The following FAT4 variants were observed in gnomAD, a reference collection of about 807,000 sequenced individuals.
The protein encoded by FAT4 is protocadherin Fat 4.
In FAT4, 84 loss-of-function variants were observed where a neutral mutation model predicts 303.9. That is an observed-to-expected ratio of 0.28 (90% CI 0.23 to 0.33). The LOEUF (loss-of-function observed/expected upper bound fraction) is 0.33. Among genes scored for constraint, FAT4 ranks in the 10% least tolerant of loss-of-function variants. FAT4 has a pLI of 1.00. For missense variants in FAT4, 6,005 were observed against 6,146.8 expected (o/e 0.98, Z 0.77); for synonymous variants, 2,307 against 2,298.8 (o/e 1.00, Z -0.10).
At chr4:125,349,598 C>T (rs1235629780) in intron 2 of FAT4, among the ~76,000 whole-genome samples, 3 of 151,638 alleles carry the variant, frequency 2.0e-5, no homozygotes, top group African/African-American at 7.3e-5. Context: ...CATAAGCAGC[C>T]AAATAGCACA....
At chr4:125,456,002 C>A (rs1708565392) in intron 10 of FAT4, among the ~76,000 whole-genome samples, 1 of 152,150 alleles carries the variant, frequency 6.6e-6, no homozygotes, top group South Asian at 2.1e-4. Context: ...ATCCTCTTGC[C>A]CACCTGCAGT....
chr4:125,449,832 C>T lies in FAT4; in HGVS notation c.8822C>T (p.Thr2941Ile). 6.2e-7 allele frequency: 1 copy of T among 1,613,902 alleles called. No individual in the cohort carries two copies. Among genetic ancestry groups the T allele is most frequent in the African/African-American group, 1.3e-5 (1 of 75,032 alleles). The change falls in exon 10 of 18, where the codon ACT (threonine) becomes ATT (isoleucine). Residue 2941 changes from threonine to isoleucine, a missense_variant. By Grantham distance (89) the Thr-to-Ile change is moderately conservative. Coordinates refer to ENST00000394329, the MANE Select transcript of FAT4 (RefSeq NM_001291303.3). ...CAGATCTTAAAATACCAAAATGTCACTGGCTTCAGTAATGTGAATATCAAC... is the reference window on the plus strand; with the variant it reads ...CAGATCTTAAAATACCAAAATGTCATTGGCTTCAGTAATGTGAATATCAAC... ...NKQILKYQNV[T>I]GFSNVNINRH...
In FAT4 at chr4:125,315,667, C is replaced by T. The variant is rs1324812621; in HGVS notation, c.-323C>T. On this transcript the variant is annotated 5_prime_UTR_variant, in exon 1 of 18. Coordinates refer to ENST00000394329, the MANE Select transcript of FAT4 (RefSeq NM_001291303.3). Reference sequence around the variant, plus strand: ...GCCGCAACAGGGGCGGCGGCGGCGGCGGCTGCAGGAGGGGAAGGGGCAGAG... The same window carrying T: ...GCCGCAACAGGGGCGGCGGCGGCGGTGGCTGCAGGAGGGGAAGGGGCAGAG... 2.6e-5 allele frequency among the ~76,000 whole-genome samples: 4 copies of T among 152,166 alleles called. No individual in the cohort carries two copies. The highest frequency in any genetic ancestry group is 9.6e-5 in the African/African-American group (4 of 41,456).
At chr4:125,478,600 C>T (rs1223528231) in intron 14 of FAT4, among the ~76,000 whole-genome samples, 5 of 152,030 alleles carry the variant, frequency 3.3e-5, no homozygotes, top group African/African-American at 7.3e-5. Flanking sequence ...GGCGGGATCT[C>T]GGCCCCCTGC....
At chr4:125,385,117 G>A (rs1388825512) in intron 2 of FAT4, among the ~76,000 whole-genome samples, 5 of 150,056 alleles carry the variant, frequency 3.3e-5, no homozygotes, top group Non-Finnish European at 3.0e-5. Flanking sequence ...TGCTTCCCGG[G>A]TTCAAGCAAT....
In FAT4 at chr4:125,319,378, A is replaced by G. The variant is rs749957923; in HGVS notation, c.2967A>G (p.Val989=). Residue 989 remains valine, a synonymous_variant, in exon 2 of 18, where the codon GTA becomes GTG. Transcript: ENST00000394329. The part of the protein sequence containing the change: ...SVILTVYVHD[V]NDNSPVFDQL... ...TCTTAACAGTTTATGTCCATGATGT[A>G]AATGACAATTCACCAGTGTTTGACC... The G allele has an allele frequency of 1.7e-5, 28 of 1,612,864 alleles. No homozygotes were observed. Among genetic ancestry groups the G allele is most frequent in the Middle Eastern group, 1.6e-4 (1 of 6,084 alleles).
At chr4:125,385,022 ATATTTT>A (rs1378728632) in intron 2 of FAT4, among the ~76,000 whole-genome samples, 2 of 79,994 alleles carry the variant, frequency 2.5e-5, no homozygotes, top group African/African-American at 4.5e-5. Flanking sequence ...ATATATATAT[ATATTTT>A]TTTTTTTTTT....
chr4:125,407,077 T>C lies in FAT4; in HGVS notation c.5505T>C (p.Asn1835=). 6.2e-7 allele frequency: 1 copy of C among 1,613,846 alleles called. No individual in the cohort carries two copies. ...TTAATATCACTGTCAGTGATGTGAA[T>C]GACCATACACCCAAATTTTCCAGAC... is the stretch of plus-strand genomic sequence containing the variant. ...MRINITVSDV[N]DHTPKFSRPV... The change falls in exon 4 of 18, where the codon AAT becomes AAC. Residue 1835 remains asparagine, a synonymous_variant. Coordinates refer to ENST00000394329, the MANE Select transcript of FAT4 (RefSeq NM_001291303.3).
intron 8 of FAT4, among the ~76,000 whole-genome samples, chr4:125,442,532 T>A (rs1375960874): frequency 6.6e-6 from 1 of 152,118 alleles, no homozygotes; most frequent in African/African-American, 2.4e-5. Context: ...GGTGGAAAAT[T>A]CCACACCTGA....
chr4:125,364,247 T>G (rs764819664), intron 2 of FAT4, among the ~76,000 whole-genome samples: 16 of 152,126 alleles, frequency 1.1e-4, no homozygotes, highest in Non-Finnish European at 2.4e-4. Flanking sequence ...TACCTTTTCT[T>G]GGACTTTTTT....
chr4:125,462,190 C>A (rs1490571183), intron 10 of FAT4, among the ~76,000 whole-genome samples: 1 of 151,760 alleles, frequency 6.6e-6, no homozygotes, highest in Non-Finnish European at 1.5e-5. Flanking sequence ...AATTTCAGAC[C>A]AGAATAAGTG....
chr4:125,440,610 T>TGTGTGTGTGTGAGAGAGAGAGAGA (rs372756130), intron 8 of FAT4, among the ~76,000 whole-genome samples: 2 of 75,750 alleles, frequency 2.6e-5, no homozygotes, highest in South Asian at 7.0e-4. Flanking sequence ...TGTGTGTGTG[T>TGTGTGTGTGTGAGAGAGAGAGAGA]GAGAGAGAGA....
At chr4:125,375,157 G>A (rs1308147320) in intron 2 of FAT4, among the ~76,000 whole-genome samples, 1 of 152,126 alleles carries the variant, frequency 6.6e-6, no homozygotes, top group Non-Finnish European at 1.5e-5. Context: ...TTTTCCTACA[G>A]GTCTTAGTGA....
intron 2 of FAT4, among the ~76,000 whole-genome samples, chr4:125,324,792 T>C (rs1731089052): frequency 6.6e-6 from 1 of 152,184 alleles, no homozygotes; most frequent in East Asian, 1.9e-4. Flanking sequence ...ATGTCTTGTC[T>C]ATTGATATTT....
At chr4:125,409,429 TA>T (rs1734761081) in intron 5 of FAT4, among the ~76,000 whole-genome samples, 1 of 152,088 alleles carries the variant, frequency 6.6e-6, no homozygotes. Flanking sequence ...GCTAATTTTG[TA>T]TTTTTAGTAG....
chr4:125,319,423 C>A lies in FAT4; in HGVS notation c.3012C>A (p.Thr1004=), dbSNP rs550025709. The change falls in exon 2 of 18, where the codon ACC becomes ACA. Residue 1004 remains threonine, a synonymous_variant. Transcript: ENST00000394329. ...PVFDQLSYEV[T]LSESEPVNSR... ...TTGACCAACTCTCTTATGAAGTCAC[C>A]CTTTCTGAGTCAGAACCTGTGAATT... 66 of 1,613,602 alleles carry A rather than the reference C, an allele frequency of 4.1e-5. No individual in the cohort carries two copies. In the South Asian group the frequency reaches 6.7e-4, roughly 16 times the overall value.
At chr4:125,443,296 C>T (rs1216927318) in intron 8 of FAT4, among the ~76,000 whole-genome samples, 3 of 152,066 alleles carry the variant, frequency 2.0e-5, no homozygotes, top group East Asian at 1.9e-4. Flanking sequence ...AATAATTTAA[C>T]GTGTTTATTG....
chr4:125,472,944 C>T (rs1376188112), intron 12 of FAT4, among the ~76,000 whole-genome samples: 1 of 151,990 alleles, frequency 6.6e-6, no homozygotes, highest in African/African-American at 2.4e-5. Flanking sequence ...TGGTTTTTAT[C>T]AATCATTTTA....
At chr4:125,396,276 A>G (rs1734165421) in intron 2 of FAT4, among the ~76,000 whole-genome samples, 1 of 152,100 alleles carries the variant, frequency 6.6e-6, no homozygotes, top group South Asian at 2.1e-4. Flanking sequence ...ATGTGTGTGT[A>G]GGTGTGTATG....
Sources: gnomAD v4.1 joint callset for allele counts (sites outside exome capture counted in the v4.1 genomes callset) on GRCh38, gnomAD v4.1.1 for gene constraint, MANE v1.5 for transcripts, NCBI Gene and HGNC (gene_info 2026-07-23, HGNC 2026-07-21) for gene names.